Variants in PARG observed in about 807,000 individuals in gnomAD.
The protein encoded by PARG is poly(ADP-ribose) glycohydrolase.
Under a neutral mutation model 113.0 loss-of-function variants are expected in PARG, and 35 were observed. The observed-to-expected ratio is 0.31, with a 90% CI of 0.24 to 0.41. The LOEUF is 0.41. Ranked by LOEUF, PARG falls within the 10% of genes least tolerant of loss-of-function variation. PARG has a pLI of 1.00. For missense variants in PARG, 797 were observed against 1,169.4 expected, an observed-to-expected ratio of 0.68 and a Z score of 4.64; for synonymous variants, 330 against 409.9, an observed-to-expected ratio of 0.81 and a Z score of 2.36.
At chr10:49,892,647 G>T (rs1446022551) in intron 7 of PARG, among the ~76,000 whole-genome samples, 1 of 152,118 alleles carries the variant, frequency 6.6e-6, no homozygotes, top group Non-Finnish European at 1.5e-5. Flanking sequence ...ATACTATTTG[G>T]TTTCTATGAT....
chr10:49,845,955 T>TGA (rs1350273634), intron 13 of PARG, among the ~76,000 whole-genome samples: 2 of 151,564 alleles, frequency 1.3e-5, no homozygotes, highest in African/African-American at 4.8e-5. Context: ...TTGTAGACTT[T>TGA]GATCACATCT....
chr10:49,824,927 G>T (rs2132357685), intron 16 of PARG, among the ~76,000 whole-genome samples: 1 of 152,202 alleles, frequency 6.6e-6, no homozygotes, highest in Middle Eastern at 3.4e-3. Flanking sequence ...ATCCACCCTG[G>T]TCAACTCCAA....
intron 7 of PARG, among the ~76,000 whole-genome samples, chr10:49,891,424 G>A (rs1194873687): frequency 6.6e-6 from 1 of 151,124 alleles, no homozygotes; most frequent in African/African-American, 2.4e-5. Context: ...AACCTAGTTA[G>A]ATACTAATAA....
intron 9 of PARG, among the ~76,000 whole-genome samples, chr10:49,876,857 T>C (rs1290574325): frequency 6.6e-6 from 1 of 151,150 alleles, no homozygotes; most frequent in East Asian, 2.0e-4. Context: ...AAAACAAACT[T>C]ACCTACTGTA....
chr10:49,839,574 A>C (rs921889685), intron 15 of PARG, among the ~76,000 whole-genome samples: 1 of 152,198 alleles, frequency 6.6e-6, no homozygotes, highest in East Asian at 1.9e-4. Context: ...CTATTCACAT[A>C]TATCTTTTAA....
Position 49,842,049 on chromosome 10 carries a change from C to A in PARG, c.2442G>T (p.Trp814Cys). 6.5e-7 allele frequency: 1 copy of A among 1,548,304 alleles called. No homozygotes were observed. The highest frequency in any genetic ancestry group is 8.7e-7 in the Non-Finnish European group (1 of 1,145,284). ...SHEDGSERDDWQRRCTEIVAI... is the reference protein window; with the variant it reads ...SHEDGSERDDCQRRCTEIVAI... ...CAACGATCTCAGTGCAGCGCCGCTG[C>A]CAGTCGTCCCTGGGACAGGAAGGAA... The change falls in exon 15 of 18, where the codon TGG becomes TGT. Residue 814 changes from tryptophan to cysteine, a missense_variant. Physicochemically the swap from Trp to Cys is radical, Grantham distance 215. Coordinates refer to ENST00000616448, the MANE Select transcript of PARG (RefSeq NM_003631.5).
chr10:49,831,343 C>T (rs1414134694), intron 16 of PARG, among the ~76,000 whole-genome samples: 1 of 152,134 alleles, frequency 6.6e-6, no homozygotes, highest in Non-Finnish European at 1.5e-5. Flanking sequence ...TGAATTTTAT[C>T]TAAATATAGT....
intron 16 of PARG, 102 bp downstream of exon 16, chr10:49,832,701 T>C (rs1245434355): frequency 1.2e-5 from 7 of 584,112 alleles, no homozygotes; most frequent in African/African-American, 1.9e-5. Context: ...CCTTTTCTCT[T>C]AGATTTTTGT....
intron 13 of PARG, among the ~76,000 whole-genome samples, chr10:49,844,054 A>G (rs555011831): frequency 6.6e-6 from 1 of 152,266 alleles, no homozygotes; most frequent in East Asian, 1.9e-4. Flanking sequence ...CTGAGGCAGG[A>G]GAACTGCTTG....
At chr10:49,919,697 C>T (rs1172358842) in intron 6 of PARG, among the ~76,000 whole-genome samples, 2 of 152,118 alleles carry the variant, frequency 1.3e-5, no homozygotes, top group African/African-American at 4.8e-5. Context: ...GTGGCATGCA[C>T]CTGTGGCACA....
At chr10:49,904,009 T>C (rs1848461686) in intron 7 of PARG, among the ~76,000 whole-genome samples, 1 of 151,996 alleles carries the variant, frequency 6.6e-6, no homozygotes, top group South Asian at 2.1e-4. Flanking sequence ...AGCTGAGTCA[T>C]GACGATGGTA....
chr10:49,921,456 T>C (rs1468681779), intron 6 of PARG, among the ~76,000 whole-genome samples: 1 of 152,062 alleles, frequency 6.6e-6, no homozygotes, highest in African/African-American at 2.4e-5. Flanking sequence ...CATTAGAAGA[T>C]TGAGAAACAC....
intron 7 of PARG, among the ~76,000 whole-genome samples, chr10:49,897,563 G>A (rs1848149613): frequency 6.6e-6 from 1 of 152,184 alleles, no homozygotes; most frequent in African/African-American, 2.4e-5. Flanking sequence ...CCAGTACTAA[G>A]CATAGTATTT....
At chr10:49,891,206 C>A (rs1190415439) in intron 7 of PARG, among the ~76,000 whole-genome samples, 4 of 152,104 alleles carry the variant, frequency 2.6e-5, no homozygotes, top group African/African-American at 9.7e-5. Context: ...CCCAGTTACT[C>A]GGGAGGCGGA....
intron 6 of PARG, among the ~76,000 whole-genome samples, 193 bp from the exon 7 acceptor site, chr10:49,916,184 A>T (rs1313830502): frequency 2.8e-4 from 42 of 152,226 alleles, no homozygotes; most frequent in African/African-American, 8.9e-4. Flanking sequence ...TTACTCACTT[A>T]AAAAAATGAG....
chr10:49,830,201 A>G (rs1189204967), intron 16 of PARG, among the ~76,000 whole-genome samples: 1 of 152,262 alleles, frequency 6.6e-6, no homozygotes, highest in Non-Finnish European at 1.5e-5. Flanking sequence ...AGCTTTCCAA[A>G]CTGTCTATCA....
chr10:49,898,018 A>G (rs1312829176), intron 7 of PARG, among the ~76,000 whole-genome samples: 3 of 152,088 alleles, frequency 2.0e-5, no homozygotes, highest in Non-Finnish European at 4.4e-5. Flanking sequence ...ACACAAAGAC[A>G]TTGGGACTAG....
At position 49,907,256 on chromosome 10, in the gene PARG, A is replaced by G. The variant is rs139469487; in HGVS notation, c.1737+8661T>C. Among the ~76,000 whole-genome samples, 17 of 152,326 alleles carry G rather than the reference A, an allele frequency of 1.1e-4. No individual in the cohort carries two copies. The East Asian group carries it at 3.1e-3, about 28-fold the overall frequency. On this transcript the variant is annotated intron_variant, in intron 7 of 17. Coordinates refer to ENST00000616448, the MANE Select transcript of PARG (RefSeq NM_003631.5). ...AGCTTACTAAAAACTTCATTAACACACTATAAAGAAAAATTATTTAGCCAG... is the reference window on the plus strand; with the variant it reads ...AGCTTACTAAAAACTTCATTAACACGCTATAAAGAAAAATTATTTAGCCAG...
chr10:49,823,853 T>C (rs1208153717), intron 16 of PARG, among the ~76,000 whole-genome samples: 4 of 152,218 alleles, frequency 2.6e-5, no homozygotes, highest in Non-Finnish European at 4.4e-5. Flanking sequence ...TATCTCTTTA[T>C]AGAATTTATT....
Sources: gnomAD v4.1 joint callset for allele counts (sites outside exome capture counted in the v4.1 genomes callset) on GRCh38, gnomAD v4.1.1 for gene constraint, MANE v1.5 for transcripts, NCBI Gene and HGNC (gene_info 2026-07-23, HGNC 2026-07-21) for gene names.